The following TERB2 variants were observed in gnomAD, a reference collection of about 807,000 sequenced individuals.
The protein encoded by TERB2 is telomere repeats-binding bouquet formation protein 2.
TERB2 carries 26 observed loss-of-function variants against 29.8 expected under a neutral mutation model. That is an observed-to-expected ratio of 0.87 (90% CI 0.64 to 1.21). The LOEUF (loss-of-function observed/expected upper bound fraction) is 1.21. Among genes scored for constraint, TERB2 ranks in the 50% most tolerant of loss-of-function variants. TERB2 has a pLI of 0.00. For missense variants in TERB2, 240 were observed against 268.6 expected (o/e 0.89, Z 0.74); for synonymous variants, 80 against 90.8 (o/e 0.88, Z 0.68).
intron 3 of TERB2, among the ~76,000 whole-genome samples, chr15:44,958,989 G>A (rs1405076035): frequency 3.3e-5 from 5 of 151,968 alleles, no homozygotes; most frequent in Non-Finnish European, 7.4e-5. Context: ...GACTAGACTG[G>A]GCAACAGGGT....
chr15:44,958,287 C>G, intron 2 of TERB2, 86 bp from the exon 3 acceptor site: 1 of 1,444,084 alleles, frequency 6.9e-7, no homozygotes, highest in Non-Finnish European at 9.3e-7. Flanking sequence ...CGTCTCCCTA[C>G]TTCCAGTGAT....
At position 44,962,391 on chromosome 15, in the gene TERB2, G is replaced by A. The variant is rs1321565864; in HGVS notation, c.348+807G>A. 2.0e-5 allele frequency among the ~76,000 whole-genome samples: 3 copies of A among 148,538 alleles called. No individual in the cohort carries two copies. In the East Asian group the frequency reaches 6.0e-4, roughly 30 times the overall value. On this transcript the variant is annotated intron_variant, in intron 4 of 6. Transcript: ENST00000340827. ...TTTTTAGTAGAGACAGGGTTTCACC[G>A]TGTTAGCCAGGATGGTCTCAATCTC...
intron 4 of TERB2, 146 bp from the exon 5 acceptor site, chr15:44,966,012 G>C (rs1485524969): frequency 2.4e-6 from 1 of 408,418 alleles, no homozygotes; most frequent in African/African-American, 2.1e-5. Context: ...TCTTCACTCA[G>C]CTAGATTGAG....
intron 5 of TERB2, among the ~76,000 whole-genome samples, chr15:44,967,756 G>C (rs2094499796): frequency 7.0e-6 from 1 of 142,196 alleles, no homozygotes; most frequent in South Asian, 2.4e-4. Flanking sequence ...AATCAGGGGA[G>C]GGGAGGATGG....
At chr15:44,972,353 A>G (rs1387047540) in intron 5 of TERB2, among the ~76,000 whole-genome samples, 1 of 152,138 alleles carries the variant, frequency 6.6e-6, no homozygotes, top group African/African-American at 2.4e-5. Context: ...TAGGAAAATA[A>G]TAAATTTAAG....
chr15:44,973,885 A>T lies in TERB2; in HGVS notation c.453A>T (p.Ile151=), dbSNP rs1235929385. The T allele has an allele frequency of 1.3e-6, 2 of 1,595,816 alleles. No homozygotes were observed. Among genetic ancestry groups the T allele is most frequent in the Admixed American group, 3.4e-5 (2 of 58,904 alleles). ...TTTACAGCCCAGAAAAGCATTTTAT[A>T]AGAACTCCAGTTGTAGAAAAGCAGA... is the stretch of plus-strand genomic sequence containing the variant. ...ELSKSPEKHF[I]RTPVVEKQMY... Residue 151 remains isoleucine (I), a synonymous_variant, in exon 6 of 7, where the codon ATA becomes ATT. Coordinates refer to ENST00000340827, the MANE Select transcript of TERB2 (RefSeq NM_152448.3).
At chr15:44,957,302 G>T (rs1891732068) in intron 2 of TERB2, among the ~76,000 whole-genome samples, 3 of 151,714 alleles carry the variant, frequency 2.0e-5, no homozygotes, top group African/African-American at 7.3e-5. Context: ...CTGAAAACGA[G>T]CAAGTTTTCA....
chr15:44,965,497 T>C (rs1891873208), intron 4 of TERB2, among the ~76,000 whole-genome samples: 1 of 144,402 alleles, frequency 6.9e-6, no homozygotes, highest in Admixed American at 7.1e-5. Context: ...TATATAGATA[T>C]ATATTATATT....
intron 5 of TERB2, chr15:44,969,975 A>G (rs1185730961): frequency 6.6e-6 from 1 of 151,874 alleles, no homozygotes; most frequent in East Asian, 1.9e-4. Flanking sequence ...TAATTTCTTG[A>G]GAGAACCACT....
At chr15:44,962,361 T>G (rs1465275326) in intron 4 of TERB2, among the ~76,000 whole-genome samples, 1 of 151,540 alleles carries the variant, frequency 6.6e-6, no homozygotes, top group Non-Finnish European at 1.5e-5. Flanking sequence ...TTTTTTTTTT[T>G]TGTATTTTTA....
chr15:44,970,959 GCTC>G (rs1891958069), intron 5 of TERB2: 1 of 157,226 alleles, frequency 6.4e-6, no homozygotes, highest in African/African-American at 2.4e-5. Flanking sequence ...ATCTAATTGA[GCTC>G]CTATAAGCTT....
chr15:44,970,241 T>A (rs1276081741), intron 5 of TERB2: 1 of 206,782 alleles, frequency 4.8e-6, no homozygotes, highest in African/African-American at 2.3e-5. Flanking sequence ...CTGTCCGTGA[T>A]TGGAGGACTG....
intron 3 of TERB2, among the ~76,000 whole-genome samples, 178 bp downstream of exon 3, chr15:44,958,690 CCTGA>C (rs922540926): frequency 6.6e-6 from 1 of 152,152 alleles, no homozygotes; most frequent in Admixed American, 6.6e-5. Flanking sequence ...GGGTGTATAT[CCTGA>C]CTTTGTTTAT....
At chr15:44,965,394 C>T (rs1281828250) in intron 4 of TERB2, among the ~76,000 whole-genome samples, 1 of 143,420 alleles carries the variant, frequency 7.0e-6, no homozygotes, top group Non-Finnish European at 1.5e-5. Context: ...ATTTGTTCAG[C>T]TTTCTTTATA....
At chr15:44,962,113 A>G (rs1226505308) in intron 4 of TERB2, among the ~76,000 whole-genome samples, 2 of 152,152 alleles carry the variant, frequency 1.3e-5, no homozygotes, top group African/African-American at 2.4e-5. Context: ...AATTATTCCC[A>G]TAAGAAACTT....
intron 5 of TERB2, among the ~76,000 whole-genome samples, chr15:44,971,538 G>T (rs1358978366): frequency 6.6e-6 from 1 of 152,050 alleles, no homozygotes. Flanking sequence ...GGCGGATCAC[G>T]AGGTCAGGAG....
chr15:44,965,872 T>TA (rs1891880953), intron 4 of TERB2, among the ~76,000 whole-genome samples: 1 of 151,870 alleles, frequency 6.6e-6, no homozygotes, highest in Non-Finnish European at 1.5e-5. Context: ...GAAAAGAGAA[T>TA]AAAATCAGTT....
chr15:44,978,926 C>G lies in TERB2; in HGVS notation c.*298C>G, dbSNP rs1248904823. The G allele has an allele frequency of 1.2e-5, 2 of 173,888 alleles. No individual in the cohort carries two copies. Among genetic ancestry groups the G allele is most frequent in the African/African-American group, 4.7e-5 (2 of 42,260 alleles). 10.8% of individuals were successfully genotyped at this position (173,888 alleles called of 1,614,324 possible). ...TCAAACTCTCCATCTCTCAATCCTCCTCCTCCTCCTCTTTCTTGCTTTCTC... is the reference window on the plus strand; with the variant it reads ...TCAAACTCTCCATCTCTCAATCCTCGTCCTCCTCCTCTTTCTTGCTTTCTC... On this transcript the variant is annotated 3_prime_UTR_variant, in exon 7 of 7. Coordinates refer to ENST00000340827, the MANE Select transcript of TERB2 (RefSeq NM_152448.3).
intron 3 of TERB2, among the ~76,000 whole-genome samples, chr15:44,958,742 G>A (rs933819184): frequency 1.3e-5 from 2 of 152,210 alleles, no homozygotes; most frequent in Non-Finnish European, 2.9e-5. Flanking sequence ...CTCTTCCTGT[G>A]TGCCAGGTTT....
Sources: gnomAD v4.1 joint callset for allele counts (sites outside exome capture counted in the v4.1 genomes callset) on GRCh38, gnomAD v4.1.1 for gene constraint, MANE v1.5 for transcripts, NCBI Gene and HGNC (gene_info 2026-07-23, HGNC 2026-07-21) for gene names.